GLI3: variants seen among roughly 807,000 people sequenced by gnomAD.
The protein encoded by GLI3 is GLI family zinc finger 3.
GLI3 carries 20 observed loss-of-function variants against 100.8 expected under a neutral mutation model. That is an observed-to-expected ratio of 0.20 (90% confidence interval 0.14 to 0.29). GLI3 has a LOEUF of 0.29. Among genes scored for constraint, GLI3 ranks in the 10% least tolerant of loss-of-function variants. GLI3 has a pLI of 1.00. For missense variants in GLI3, 2,040 were observed against 2,128.5 expected, an observed-to-expected ratio of 0.96 and a Z score of 0.82; for synonymous variants, 938 against 860.5, an observed-to-expected ratio of 1.09 and a Z score of -1.58.
intron 2 of GLI3, among the ~76,000 whole-genome samples, chr7:42,184,150 C>T (rs141852134): frequency 2.0e-5 from 3 of 152,306 alleles, no homozygotes; most frequent in South Asian, 2.1e-4. Flanking sequence ...CTCTCTAGAA[C>T]GCTCCCCTCT....
intron 3 of GLI3, among the ~76,000 whole-genome samples, chr7:42,098,316 C>A (rs543975336): frequency 6.6e-6 from 1 of 152,114 alleles, no homozygotes; most frequent in Admixed American, 6.5e-5. Flanking sequence ...AACTGACCCA[C>A]GCTAACGGAA....
At chr7:42,110,563 G>C (rs527429683) in intron 3 of GLI3, among the ~76,000 whole-genome samples, 19 of 152,116 alleles carry the variant, frequency 1.2e-4, no homozygotes. Context: ...AATAAACCCG[G>C]TAATTCAGAA....
chr7:42,244,676 A>G (rs1043170697), intron 1 of GLI3, among the ~76,000 whole-genome samples: 2 of 152,164 alleles, frequency 1.3e-5, no homozygotes, highest in African/African-American at 2.4e-5. Flanking sequence ...GGAAGGCTAC[A>G]TCAGAAAGTC....
At chr7:42,139,458 T>A (rs1429751341) in intron 3 of GLI3, among the ~76,000 whole-genome samples, 1 of 152,158 alleles carries the variant, frequency 6.6e-6, no homozygotes, top group Admixed American at 6.5e-5. Flanking sequence ...GACGGGCAGA[T>A]CACTTGAGGT....
intron 10 of GLI3, among the ~76,000 whole-genome samples, chr7:42,002,372 G>A (rs1788327080): frequency 6.6e-6 from 1 of 152,102 alleles, no homozygotes; most frequent in Non-Finnish European, 1.5e-5. Context: ...TTAAAGAAAA[G>A]CAACACTTTT....
chr7:41,998,954 T>A lies in GLI3; in HGVS notation c.1498-20206A>T, dbSNP rs79662532. Among the ~76,000 whole-genome samples the A allele has an allele frequency of 1.8e-3, 279 of 152,286 alleles. 1 individual carries two copies. Among genetic ancestry groups the A allele is most frequent in the Non-Finnish European group, 3.3e-3 (225 of 68,020 alleles). Reference sequence around the variant, plus strand: ...ACACAGCCTTTCACCCTCTATGGAGTGTGATGGGCACGTGCACTGAGATTT... The same window carrying A: ...ACACAGCCTTTCACCCTCTATGGAGAGTGATGGGCACGTGCACTGAGATTT... On this transcript the variant is annotated intron_variant, in intron 10 of 14. Transcript: ENST00000395925.
intron 1 of GLI3, among the ~76,000 whole-genome samples, chr7:42,236,102 G>A (rs897377293): frequency 1.3e-5 from 2 of 152,166 alleles, no homozygotes; most frequent in Admixed American, 6.5e-5. Context: ...GTTCAGGAAA[G>A]GATAAAAGGC....
intron 10 of GLI3, among the ~76,000 whole-genome samples, chr7:41,982,209 G>C (rs1787689275): frequency 6.6e-6 from 1 of 152,188 alleles, no homozygotes; most frequent in Non-Finnish European, 1.5e-5. Flanking sequence ...GGGGAACCAA[G>C]TCAATCTTCC....
intron 2 of GLI3, among the ~76,000 whole-genome samples, chr7:42,161,227 A>T (rs1432913461): frequency 6.6e-6 from 1 of 152,208 alleles, no homozygotes; most frequent in Non-Finnish European, 1.5e-5. Flanking sequence ...AATAACCAAA[A>T]GAAGAATAAT....
At chr7:42,189,653 A>G (rs1787786376) in intron 2 of GLI3, among the ~76,000 whole-genome samples, 1 of 152,206 alleles carries the variant, frequency 6.6e-6, no homozygotes. Context: ...GATGGCTTTG[A>G]AGAATAAAGG....
At chr7:42,116,343 G>A (rs1029045626) in intron 3 of GLI3, among the ~76,000 whole-genome samples, 1 of 152,160 alleles carries the variant, frequency 6.6e-6, no homozygotes, top group African/African-American at 2.4e-5. Context: ...CCAGGAAACA[G>A]AGGGGAGAAG....
At chr7:41,974,626 G>C (rs1787459178) in intron 12 of GLI3, among the ~76,000 whole-genome samples, 1 of 152,216 alleles carries the variant, frequency 6.6e-6, no homozygotes, top group South Asian at 2.1e-4. Flanking sequence ...GATATAGACA[G>C]AGGAGGGATC....
chr7:42,190,172 T>C (rs1256771626), intron 2 of GLI3, among the ~76,000 whole-genome samples: 1 of 152,036 alleles, frequency 6.6e-6, no homozygotes, highest in Non-Finnish European at 1.5e-5. Context: ...GGAATCATTT[T>C]TACAAGTTGA....
At chr7:42,118,726 T>C (rs1349772239) in intron 3 of GLI3, among the ~76,000 whole-genome samples, 2 of 152,288 alleles carry the variant, frequency 1.3e-5, no homozygotes, top group East Asian at 1.9e-4. Context: ...CCCAGTGGCC[T>C]TCTGATTTCC....
chr7:42,114,875 T>C (rs1225705247), intron 3 of GLI3, among the ~76,000 whole-genome samples: 2 of 151,880 alleles, frequency 1.3e-5, no homozygotes, highest in Non-Finnish European at 2.9e-5. Context: ...CTAATTTTTG[T>C]ATTTTTAGTA....
intron 3 of GLI3, among the ~76,000 whole-genome samples, chr7:42,113,043 G>A (rs1402752350): frequency 6.6e-6 from 1 of 152,060 alleles, no homozygotes; most frequent in Non-Finnish European, 1.5e-5. Context: ...CATGGTGGCA[G>A]GAGCCTGTAA....
intron 3 of GLI3, among the ~76,000 whole-genome samples, chr7:42,144,187 C>T (rs932918507): frequency 4.6e-5 from 7 of 152,138 alleles, no homozygotes; most frequent in Admixed American, 3.3e-4. Flanking sequence ...GGAGAGATGG[C>T]GGTTAGAAAT....
At chr7:41,970,027 AT>A (rs1210123206) in intron 13 of GLI3, among the ~76,000 whole-genome samples, 1 of 152,210 alleles carries the variant, frequency 6.6e-6, no homozygotes, top group East Asian at 1.9e-4. Context: ...TATTTGAAAC[AT>A]ATCTGAGTAA....
intron 2 of GLI3, among the ~76,000 whole-genome samples, chr7:42,150,827 C>A (rs1359943917): frequency 6.6e-6 from 1 of 152,140 alleles, no homozygotes; most frequent in Non-Finnish European, 1.5e-5. Context: ...TCACAAATAA[C>A]TGAATAATGA....
Sources: allele counts gnomAD v4.1 joint callset (sites outside exome capture counted in the v4.1 genomes callset), GRCh38; gene constraint gnomAD v4.1.1; transcripts MANE v1.5; gene names NCBI Gene and HGNC (gene_info 2026-07-23, HGNC 2026-07-21).